Variants in STARD3NL observed in about 807,000 individuals in gnomAD.
STARD3NL encodes the protein STARD3 N-terminal-like protein.
Under a neutral mutation model 30.9 loss-of-function variants are expected in STARD3NL, and 17 were observed. That is an observed-to-expected ratio of 0.55 (90% CI 0.38 to 0.82). The LOEUF is 0.82. STARD3NL is among the 40% of genes least tolerant of loss of function. STARD3NL has a pLI of 0.00. For synonymous variants in STARD3NL, 112 were observed against 100.5 expected (o/e 1.11, Z -0.69); for missense variants, 234 against 277.6 (o/e 0.84, Z 1.12).
intron 1 of STARD3NL, among the ~76,000 whole-genome samples, chr7:38,187,975 A>G (rs1351700658): frequency 6.6e-6 from 1 of 152,122 alleles, no homozygotes; most frequent in South Asian, 2.1e-4. Context: ...CTTGGAACCA[A>G]TCTATTCTCA....
Position 38,215,080 on chromosome 7 carries a change from G to T in STARD3NL, c.356G>T (p.Arg119Ile), listed in dbSNP as rs757750374. The T allele has an allele frequency of 4.3e-6, 7 of 1,613,906 alleles. No homozygotes were observed. In the African/African-American group the frequency reaches 8.0e-5, roughly 18 times the overall value. ...KVLILAYAVCRLRHWWAIALT... is the reference protein window; with the variant it reads ...KVLILAYAVCILRHWWAIALT... Reference sequence around the variant, plus strand: ...TTAATACTTGCATATGCTGTGTGCAGACTGCGCCATTGGTGGGCAATAGCG... The same window carrying T: ...TTAATACTTGCATATGCTGTGTGCATACTGCGCCATTGGTGGGCAATAGCG... The change falls in exon 4 of 9, where the codon AGA becomes ATA. Residue 119 changes from arginine (R) to isoleucine (I), a missense_variant. Arg to Ile is a moderately conservative substitution (Grantham distance 97). Coordinates refer to ENST00000009041, the MANE Select transcript of STARD3NL (RefSeq NM_032016.4).
chr7:38,195,975 G>A (rs1388373298), intron 1 of STARD3NL, among the ~76,000 whole-genome samples: 1 of 152,142 alleles, frequency 6.6e-6, no homozygotes, highest in African/African-American at 2.4e-5. Context: ...AACCTGATTA[G>A]TCAGCAGCTT....
intron 2 of STARD3NL, among the ~76,000 whole-genome samples, chr7:38,208,912 C>T (rs1785639091): frequency 6.6e-6 from 1 of 152,324 alleles, no homozygotes; most frequent in South Asian, 2.1e-4. Context: ...ACTCTATTCT[C>T]TTAATAATTA....
chr7:38,213,945 CGG>C (rs931591947), intron 2 of STARD3NL, among the ~76,000 whole-genome samples: 7 of 152,288 alleles, frequency 4.6e-5, no homozygotes, highest in African/African-American at 1.7e-4. Flanking sequence ...GCCCGGATGT[CGG>C]GGAGTCTTGG....
At chr7:38,179,117 A>G (rs988039882) in intron 1 of STARD3NL, 15 of 152,218 alleles carry the variant, frequency 9.9e-5, no homozygotes, top group African/African-American at 3.4e-4. Context: ...ATCACTTGAC[A>G]CAGTACTAGT....
At chr7:38,189,221 A>G (rs1784585779) in intron 1 of STARD3NL, among the ~76,000 whole-genome samples, 1 of 152,220 alleles carries the variant, frequency 6.6e-6, no homozygotes, top group Non-Finnish European at 1.5e-5. Flanking sequence ...TACATCCCAA[A>G]TGAATATAAA....
intron 2 of STARD3NL, among the ~76,000 whole-genome samples, chr7:38,214,038 A>G (rs371016279): frequency 2.0e-5 from 3 of 152,218 alleles, no homozygotes; most frequent in Non-Finnish European, 2.9e-5. Flanking sequence ...CTTTAAAAAT[A>G]TACTTTTGTA....
At chr7:38,219,462 G>A in intron 6 of STARD3NL, 103 bp from the exon 7 acceptor site, 2 of 712,100 alleles carry the variant, frequency 2.8e-6, no homozygotes, top group East Asian at 5.4e-5. Flanking sequence ...TTTTCTAAAG[G>A]TATTTCATTG....
chr7:38,184,678 A>G (rs1173339439), intron 1 of STARD3NL, among the ~76,000 whole-genome samples: 1 of 146,868 alleles, frequency 6.8e-6, no homozygotes, highest in African/African-American at 2.5e-5. Flanking sequence ...TATACTATAT[A>G]TATAATATAT....
chr7:38,186,696 A>G (rs1304007058), intron 1 of STARD3NL, among the ~76,000 whole-genome samples: 1 of 152,220 alleles, frequency 6.6e-6, no homozygotes, highest in Non-Finnish European at 1.5e-5. Flanking sequence ...GTACAGGTTT[A>G]TAGCCTAGAA....
At chr7:38,202,756 A>G in intron 1 of STARD3NL, among the ~76,000 whole-genome samples, 1 of 124,626 alleles carries the variant, frequency 8.0e-6, no homozygotes, top group East Asian at 2.5e-4. Context: ...CTGGTGTGTG[A>G]TGTTCCCCTT....
At chr7:38,197,212 C>T (rs1251204254) in intron 1 of STARD3NL, among the ~76,000 whole-genome samples, 1 of 112,074 alleles carries the variant, frequency 8.9e-6, no homozygotes, top group East Asian at 2.8e-4. Context: ...CTCTCTCTTT[C>T]CCTCTCTCTT....
chr7:38,220,516 T>C (rs1583826439), intron 7 of STARD3NL, among the ~76,000 whole-genome samples: 1 of 152,196 alleles, frequency 6.6e-6, no homozygotes, highest in East Asian at 1.9e-4. Flanking sequence ...TATGGAGAAA[T>C]TGGACCCCTT....
chr7:38,225,522 G>T (rs1786707843), intron 7 of STARD3NL, among the ~76,000 whole-genome samples: 2 of 145,540 alleles, frequency 1.4e-5, no homozygotes, highest in African/African-American at 5.0e-5. Flanking sequence ...ATATGGAGGA[G>T]GTAAGGGATT....
intron 1 of STARD3NL, among the ~76,000 whole-genome samples, chr7:38,197,739 A>C (rs1466472212): frequency 6.6e-6 from 1 of 151,910 alleles, no homozygotes; most frequent in Non-Finnish European, 1.5e-5. Context: ...GTGTTTTAGT[A>C]CTCTGGATTA....
In STARD3NL at chr7:38,178,365, C is replaced by G. The variant is rs62443315; in HGVS notation, c.-114C>G. 34,572 of 151,988 alleles carry G rather than the reference C, an allele frequency of 0.23. 3,991 individuals carry two copies. The highest frequency in any genetic ancestry group is 0.26 in the Middle Eastern group (76 of 292). 9.4% of individuals were successfully genotyped at this position (151,988 alleles called of 1,614,324 possible). On this transcript the variant is annotated 5_prime_UTR_variant, in exon 1 of 9. Coordinates refer to ENST00000009041, the MANE Select transcript of STARD3NL (RefSeq NM_032016.4). ...CGCCCCTCAGGCCGGGGCGCGACCG[C>G]GGATCCGCAGTTCCCGGGCCAGCCT...
At chr7:38,204,483 G>C (rs909211604) in intron 1 of STARD3NL, among the ~76,000 whole-genome samples, 1 of 152,188 alleles carries the variant, frequency 6.6e-6, no homozygotes, top group African/African-American at 2.4e-5. Flanking sequence ...CACATTTAAA[G>C]CAGTGTGTAG....
Position 38,215,079 on chromosome 7 carries a change from A to G in STARD3NL, c.355A>G (p.Arg119Gly), listed in dbSNP as rs1370617065. The G allele has an allele frequency of 2.5e-6, 4 of 1,614,010 alleles. No individual in the cohort carries two copies. Among genetic ancestry groups the G allele is most frequent in the South Asian group, 2.2e-5 (2 of 91,084 alleles). ...GTTAATACTTGCATATGCTGTGTGC[A>G]GACTGCGCCATTGGTGGGCAATAGC... ...KVLILAYAVCRLRHWWAIALT... is the reference protein window; with the variant it reads ...KVLILAYAVCGLRHWWAIALT... The change falls in exon 4 of 9, where the codon AGA becomes GGA. Residue 119 changes from arginine (R) to glycine (G), a missense_variant. Coordinates refer to ENST00000009041, the MANE Select transcript of STARD3NL (RefSeq NM_032016.4).
intron 7 of STARD3NL, among the ~76,000 whole-genome samples, chr7:38,228,274 C>A (rs558123621): frequency 6.6e-6 from 1 of 152,248 alleles, no homozygotes; most frequent in Non-Finnish European, 1.5e-5. Context: ...ATAGGTCTAT[C>A]CTAAGGAAAG....
Sources: gnomAD v4.1 joint callset for allele counts (sites outside exome capture counted in the v4.1 genomes callset) on GRCh38, gnomAD v4.1.1 for gene constraint, MANE v1.5 for transcripts, NCBI Gene and HGNC (gene_info 2026-07-23, HGNC 2026-07-21) for gene names.